RAPGEF2: variants seen among roughly 807,000 people sequenced by gnomAD.
RAPGEF2 encodes PDZ domain containing guanine nucleotide exchange factor (GEF) 1.
In RAPGEF2, 54 loss-of-function variants were observed where a neutral mutation model predicts 186.7. The observed-to-expected ratio is 0.29, with a 90% CI of 0.23 to 0.36. The LOEUF is 0.36. RAPGEF2 is among the 10% of genes least tolerant of loss of function. The probability of loss-of-function intolerance (pLI) is 1.00; values close to 1 mark genes in which losing one functional copy is unlikely to be tolerated. For missense variants in RAPGEF2, 1,532 were observed against 2,045.0 expected, an observed-to-expected ratio of 0.75 and a Z score of 4.84; for synonymous variants, 712 against 705.9, an observed-to-expected ratio of 1.01 and a Z score of -0.14.
At chr4:159,335,927 C>CTTT (rs1240070670) in intron 17 of RAPGEF2, among the ~76,000 whole-genome samples, 1 of 150,472 alleles carries the variant, frequency 6.6e-6, no homozygotes, top group African/African-American at 2.4e-5. Flanking sequence ...GCCAGCTATG[C>CTTT]TTTGTCCTGA....
At chr4:159,217,405 T>C (rs1244963245) in intron 4 of RAPGEF2, among the ~76,000 whole-genome samples, 3 of 152,214 alleles carry the variant, frequency 2.0e-5, no homozygotes, top group Admixed American at 6.5e-5. Flanking sequence ...CTCCCACTTA[T>C]AAGTGAGAAC....
Position 159,193,191 on chromosome 4 carries a change from CTT to C in RAPGEF2, c.141-6_141-5del. The C allele has an allele frequency of 6.8e-7, 1 of 1,479,036 alleles. No homozygotes were observed. The highest frequency in any genetic ancestry group is 8.9e-7 in the Non-Finnish European group (1 of 1,118,582). 91.6% of individuals were successfully genotyped at this position (1,479,036 alleles called of 1,614,324 possible). ...AGATGTTGAACTCATGTTTTTATCT[CTT>C]TTACAGGTTAATGTGTGAAACTGTG... On this transcript the variant is annotated splice_polypyrimidine_tract_variant and splice_region_variant and intron_variant, in intron 2 of 29. Transcript: ENST00000691494.
At chr4:159,132,247 G>A (rs1008900601) in intron 1 of RAPGEF2, among the ~76,000 whole-genome samples, 8 of 152,148 alleles carry the variant, frequency 5.3e-5, no homozygotes, top group Admixed American at 3.3e-4. Flanking sequence ...TTTTATGATC[G>A]TACTTCACAG....
At chr4:159,240,531 C>T (rs1579568297) in intron 5 of RAPGEF2, among the ~76,000 whole-genome samples, 1 of 151,914 alleles carries the variant, frequency 6.6e-6, no homozygotes, top group East Asian at 1.9e-4. Context: ...GATGGGGTTT[C>T]ACCATGTTGG....
intron 19 of RAPGEF2, among the ~76,000 whole-genome samples, chr4:159,339,621 G>A (rs1272697910): frequency 1.3e-5 from 2 of 152,102 alleles, no homozygotes; most frequent in Non-Finnish European, 2.9e-5. Flanking sequence ...TCCAAAATGC[G>A]TGCTGTAACT....
At chr4:159,236,374 C>T (rs577224729) in intron 4 of RAPGEF2, among the ~76,000 whole-genome samples, 47 of 152,186 alleles carry the variant, frequency 3.1e-4, no homozygotes, top group Middle Eastern at 3.4e-3. Context: ...TTCTGTTGAA[C>T]GAATGACTAA....
In RAPGEF2 at chr4:159,320,688, T is replaced by C. The variant is rs944943990; in HGVS notation, c.854-1659T>C. Among the ~76,000 whole-genome samples the C allele has an allele frequency of 5.9e-5, 9 of 152,224 alleles. No individual in the cohort carries two copies. The East Asian group carries it at 1.5e-3, about 26-fold the overall frequency. ...GCCCAACTGGGCCAGAGAAAACCAC[T>C]CCGTCTGTCCTTCCAGAAATGTTGT... On this transcript the variant is annotated intron_variant, in intron 9 of 29. Coordinates refer to ENST00000691494, the MANE Select transcript of RAPGEF2 (RefSeq NM_001394067.2).
chr4:159,329,129 A>G (rs554642894), intron 11 of RAPGEF2: 2 of 152,212 alleles, frequency 1.3e-5, no homozygotes, highest in African/African-American at 4.8e-5. Context: ...AGTGATTTCT[A>G]TCATTCATTC....
At chr4:159,258,976 C>T (rs1756498678) in intron 7 of RAPGEF2, among the ~76,000 whole-genome samples, 1 of 152,132 alleles carries the variant, frequency 6.6e-6, no homozygotes, top group Non-Finnish European at 1.5e-5. Flanking sequence ...AAAACTGACA[C>T]TTATTGAAGG....
At chr4:159,205,871 A>G (rs568928574) in intron 3 of RAPGEF2, among the ~76,000 whole-genome samples, 23 of 151,932 alleles carry the variant, frequency 1.5e-4, no homozygotes, top group Middle Eastern at 3.2e-3. Context: ...GAACCGACAC[A>G]TACACTTAGG....
At chr4:159,160,539 A>G (rs1246552917) in intron 1 of RAPGEF2, among the ~76,000 whole-genome samples, 6 of 152,240 alleles carry the variant, frequency 3.9e-5, no homozygotes, top group Admixed American at 2.0e-4. Flanking sequence ...ACTTATTTCA[A>G]TAGCAAACTT....
chr4:159,320,575 A>T lies in RAPGEF2; in HGVS notation c.854-1772A>T, dbSNP rs1444608380. On this transcript the variant is annotated intron_variant, in intron 9 of 29. Transcript: ENST00000691494. ...AGAATCTTTGGGTACACCTATCATTATCATTTTCCTTATTGCCAGAGCCCC... is the reference window on the plus strand; with the variant it reads ...AGAATCTTTGGGTACACCTATCATTTTCATTTTCCTTATTGCCAGAGCCCC... Among the ~76,000 whole-genome samples, 2 of 152,144 alleles carry T rather than the reference A, an allele frequency of 1.3e-5. 1 individual carries two copies. The highest frequency in any genetic ancestry group is 1.3e-4 in the Admixed American group (2 of 15,266).
At chr4:159,229,987 T>A (rs1051813962) in intron 4 of RAPGEF2, among the ~76,000 whole-genome samples, 5 of 152,200 alleles carry the variant, frequency 3.3e-5, no homozygotes, top group Admixed American at 2.0e-4. Context: ...ATCTTGTGGT[T>A]GTTTAATATC....
intron 1 of RAPGEF2, among the ~76,000 whole-genome samples, chr4:159,108,163 A>C (rs917729694): frequency 6.6e-6 from 1 of 152,232 alleles, no homozygotes; most frequent in Non-Finnish European, 1.5e-5. Context: ...ATGAGGAATT[A>C]AATTTATGAT....
intron 25 of RAPGEF2, 63 bp from the exon 26 acceptor site, chr4:159,350,074 A>C: frequency 8.2e-7 from 1 of 1,219,122 alleles, no homozygotes; most frequent in Non-Finnish European, 1.1e-6. Context: ...TTTTTTATTC[A>C]TAAATGGTGT....
chr4:159,304,540 G>C, intron 8 of RAPGEF2, 67 bp downstream of exon 8: 4 of 1,427,254 alleles, frequency 2.8e-6, no homozygotes, highest in South Asian at 2.5e-5. Context: ...AAGGTTCTCA[G>C]CTGATAGAAT....
rs1474382342 is a variant in RAPGEF2 at position 159,214,674 on chromosome 4, CT to C, written c.281+4092del. On this transcript the variant is annotated intron_variant, in intron 4 of 29. Coordinates refer to ENST00000691494, the MANE Select transcript of RAPGEF2 (RefSeq NM_001394067.2). ...TTTTTGCCTGCTGACTTCCAGAAGG[CT>C]AGGAATTTATTAAAGATAGGTTCAG... Among the ~76,000 whole-genome samples, 6 of 152,150 alleles carry C rather than the reference CT, an allele frequency of 3.9e-5. No homozygotes were observed. The East Asian group carries it at 9.6e-4, about 24-fold the overall frequency.
chr4:159,161,546 A>G (rs1360703716), intron 1 of RAPGEF2, among the ~76,000 whole-genome samples: 2 of 152,030 alleles, frequency 1.3e-5, no homozygotes, highest in Non-Finnish European at 2.9e-5. Flanking sequence ...TCTACCAAAA[A>G]TACAAAAATT....
intron 7 of RAPGEF2, among the ~76,000 whole-genome samples, chr4:159,273,716 T>C (rs1029820313): frequency 1.3e-5 from 2 of 149,162 alleles, no homozygotes; most frequent in African/African-American, 5.0e-5. Flanking sequence ...ATTTAAATAT[T>C]ATATAAAATG....
Sources: gnomAD v4.1 joint callset for allele counts (sites outside exome capture counted in the v4.1 genomes callset) on GRCh38, gnomAD v4.1.1 for gene constraint, MANE v1.5 for transcripts, NCBI Gene and HGNC (gene_info 2026-07-23, HGNC 2026-07-21) for gene names.